Variants in AHNAK observed in about 807,000 individuals in gnomAD.
AHNAK encodes the protein AHNAK nucleoprotein.
AHNAK carries 23 observed loss-of-function variants against 37.8 expected under a neutral mutation model. That is an observed-to-expected ratio of 0.61 (90% CI 0.44 to 0.86). The LOEUF is 0.86. Ranked by LOEUF, AHNAK falls within the 40% of genes least tolerant of loss-of-function variation. AHNAK has a pLI of 0.00. For missense variants in AHNAK, 7,411 were observed against 7,319.4 expected, an observed-to-expected ratio of 1.01 and a Z score of -0.46; for synonymous variants, 2,481 against 2,636.3, an observed-to-expected ratio of 0.94 and a Z score of 1.80.
chr11:62,505,916 G>A (rs1005064582), intron 4 of AHNAK, among the ~76,000 whole-genome samples: 5 of 151,234 alleles, frequency 3.3e-5, no homozygotes, highest in African/African-American at 1.2e-4. Context: ...GGCCGGGTGC[G>A]GTGGCTCATG....
At position 62,524,404 on chromosome 11, in the gene AHNAK, C is replaced by T. The variant is rs538774298; in HGVS notation, c.10013G>A (p.Gly3338Asp). The change falls in exon 5 of 5, where the codon GGT becomes GAT. Residue 3338 changes from glycine (G) to aspartate (D), a missense_variant. By Grantham distance (94) the Gly-to-Asp change is moderately conservative (BLOSUM62 -1). Coordinates refer to ENST00000378024, the MANE Select transcript of AHNAK (RefSeq NM_001620.3). The part of the protein sequence containing the change: ...DIKGPEVDVS[G>D]PKLNIEGKSK... ...CTTGCCTTCGATATTAAGCTTAGGA[C>T]CGGAAACGTCCACTTCTGGGCCCTT... is the stretch of plus-strand genomic sequence containing the variant. The T allele has an allele frequency of 3.1e-6, 5 of 1,612,086 alleles. No individual in the cohort carries two copies. Among genetic ancestry groups the T allele is most frequent in the African/African-American group, 1.3e-5 (1 of 74,728 alleles).
chr11:62,523,427 T>C lies in AHNAK; in HGVS notation c.10990A>G (p.Met3664Val). 1 of 1,612,488 alleles carries C rather than the reference T, an allele frequency of 6.2e-7. No individual in the cohort carries two copies. The highest frequency in any genetic ancestry group is 8.5e-7 in the Non-Finnish European group (1 of 1,179,528). The change falls in exon 5 of 5, where the codon ATG becomes GTG. Residue 3664 changes from methionine (M) to valine (V), a missense_variant. By Grantham distance (21) the Met-to-Val change is conservative (BLOSUM62 1). Coordinates refer to ENST00000378024, the MANE Select transcript of AHNAK (RefSeq NM_001620.3). ...GAGATCTTGGGGGCTTTGATGTTCA[T>C]CTCAGGCATCTTGAACTTGGGGCCC... ...LKGPKFKMPEMNIKAPKISMP... is the reference protein window; with the variant it reads ...LKGPKFKMPEVNIKAPKISMP...
At chr11:62,489,123 C>A (rs529377284) in intron 5 of AHNAK, among the ~76,000 whole-genome samples, 1 of 152,002 alleles carries the variant, frequency 6.6e-6, no homozygotes, top group South Asian at 2.1e-4. Flanking sequence ...TGCCTGTAAT[C>A]CCAATTACTC....
chr11:62,517,354 T>G lies in AHNAK; in HGVS notation c.17063A>C (p.Glu5688Ala). ...TCCAGCACCAGCTTGGATGCTGGCCTCTGCTTTAGGGAAGTGAACATCCAC... is the reference window on the plus strand; with the variant it reads ...TCCAGCACCAGCTTGGATGCTGGCCGCTGCTTTAGGGAAGTGAACATCCAC... ...MGVDVHFPKA[E>A]ASIQAGAGDG... Residue 5688 changes from glutamate to alanine, a missense_variant, in exon 5 of 5, where the codon GAG (glutamate) becomes GCG (alanine). Coordinates refer to ENST00000378024, the MANE Select transcript of AHNAK (RefSeq NM_001620.3). 2 of 1,614,208 alleles carry G rather than the reference T, an allele frequency of 1.2e-6. No homozygotes were observed. The highest frequency in any genetic ancestry group is 8.5e-7 in the Non-Finnish European group (1 of 1,180,028).
intron 5 of AHNAK, among the ~76,000 whole-genome samples, chr11:62,439,099 T>TA: frequency 7.0e-6 from 1 of 143,194 alleles, no homozygotes; most frequent in South Asian, 2.4e-4. Context: ...ATTTTTTTTT[T>TA]TTTTTTTTTT....
At position 62,533,828 on chromosome 11, in the gene AHNAK, C is replaced by T. The variant is rs1245260780; in HGVS notation, c.589G>A (p.Val197Met). 1 of 1,614,194 alleles carries T rather than the reference C, an allele frequency of 6.2e-7. No homozygotes were observed. Residue 197 changes from valine (V) to methionine (M), a missense_variant, in exon 5 of 5, where the codon GTG becomes ATG. Physicochemically the swap from Val to Met is conservative, Grantham distance 21 (BLOSUM62 1). Coordinates refer to ENST00000378024, the MANE Select transcript of AHNAK (RefSeq NM_001620.3). ...HELTEISNVD[V>M]ETQSGKTVIR... is the part of the protein sequence containing the mutation. ...ACGGTCTTCCCAGACTGGGTCTCCACATCCACATTGGAGATTTCAGTCAGT... is the reference window on the plus strand; with the variant it reads ...ACGGTCTTCCCAGACTGGGTCTCCATATCCACATTGGAGATTTCAGTCAGT...
intron 5 of AHNAK, among the ~76,000 whole-genome samples, chr11:62,464,667 C>CA (rs55916906): frequency 0.44 from 61,815 of 141,784 alleles, 14,817 homozygotes; most frequent in South Asian, 0.66. Context: ...GATTCCGTCT[C>CA]AAAAAAAAAA....
intron 5 of AHNAK, among the ~76,000 whole-genome samples, chr11:62,452,749 C>T (rs566224150): frequency 3.9e-5 from 6 of 152,050 alleles, no homozygotes; most frequent in Non-Finnish European, 8.8e-5. Flanking sequence ...AGGCCGGGCG[C>T]GGTGGCTTAC....
At chr11:62,475,119 A>G (rs1474846322) in intron 5 of AHNAK, among the ~76,000 whole-genome samples, 1 of 152,204 alleles carries the variant, frequency 6.6e-6, no homozygotes, top group African/African-American at 2.4e-5. Flanking sequence ...CCTGACCAAC[A>G]AGGTGAAACC....
intron 4 of AHNAK, among the ~76,000 whole-genome samples, chr11:62,500,287 G>C (rs962923495): frequency 6.6e-6 from 1 of 152,192 alleles, no homozygotes; most frequent in African/African-American, 2.4e-5. Context: ...TGACAAGCCA[G>C]TAGGGGAGAT....
intron 5 of AHNAK, among the ~76,000 whole-genome samples, chr11:62,462,391 A>C (rs1023546760): frequency 6.6e-6 from 1 of 152,222 alleles, no homozygotes; most frequent in Non-Finnish European, 1.5e-5. Flanking sequence ...ACTGGAAACT[A>C]CTGAAGACTG....
rs112140781 is a variant in AHNAK at position 62,490,491 on chromosome 11, G to T, written c.442+1241C>A. Among the ~76,000 whole-genome samples the T allele has an allele frequency of 5.3e-5, 8 of 152,096 alleles. No homozygotes were observed. The South Asian group carries it at 1.7e-3, about 32-fold the overall frequency. ...GCTGGGATTACAGGCGTCAGCCACC[G>T]CACCAGGCTGGGAGGCTTTCTTTAA... On this transcript the variant is annotated intron_variant, in intron 5 of 5. Transcript: ENST00000257247.
intron 1 of AHNAK, chr11:62,542,034 G>A (rs1941140867): frequency 6.6e-6 from 1 of 152,298 alleles, no homozygotes; most frequent in African/African-American, 2.4e-5. Flanking sequence ...CAGTGTGCAG[G>A]GAGGAGGGGC....
rs146170341 is a variant in AHNAK at position 62,517,935 on chromosome 11, C to A, written c.16482G>T (p.Met5494Ile). 8.1e-6 allele frequency: 13 copies of A among 1,614,090 alleles called. No homozygotes were observed. Among genetic ancestry groups the A allele is most frequent in the Middle Eastern group, 3.3e-4 (2 of 6,084 alleles). ...CACATCCAGAGGACTTAATTCCAGG[C>A]ATCTGGAGGTTTCCTTCTAGGCCTT... ...GVQGLEGNLQ[M>I]PGIKSSGCDV... Residue 5494 changes from methionine to isoleucine, a missense_variant, in exon 5 of 5, where the codon ATG becomes ATT. Met to Ile is a conservative substitution (Grantham distance 10, BLOSUM62 1). Coordinates refer to ENST00000378024, the MANE Select transcript of AHNAK (RefSeq NM_001620.3).
At position 62,520,345 on chromosome 11, in the gene AHNAK, T is replaced by A. The variant is rs1021565459; in HGVS notation, c.14072A>T (p.Asp4691Val). 3 of 1,613,096 alleles carry A rather than the reference T, an allele frequency of 1.9e-6. No individual in the cohort carries two copies. The highest frequency in any genetic ancestry group is 2.5e-6 in the Non-Finnish European group (3 of 1,179,836). The change falls in exon 5 of 5, where the codon GAT (aspartate) becomes GTT (valine). Residue 4691 changes from aspartate (D) to valine (V), a missense_variant. Physicochemically the swap from Asp to Val is radical, Grantham distance 152. Coordinates refer to ENST00000378024, the MANE Select transcript of AHNAK (RefSeq NM_001620.3). ...ACCTTCGATATTCACATCAGGAACA[T>A]CAACGTCCACTTTGGGTCCTGAGAC... ...IDVSGPKVDV[D>V]VPDVNIEGPD...
rs368256739 is a variant in AHNAK at position 62,522,026 on chromosome 11, T to C, written c.12391A>G (p.Met4131Val). 4 of 1,613,954 alleles carry C rather than the reference T, an allele frequency of 2.5e-6. No individual in the cohort carries two copies. The highest frequency in any genetic ancestry group is 4.5e-5 in the East Asian group (2 of 44,880). ...DLHLKAPKIS[M>V]PEVDLNLKGP... is the part of the protein sequence containing the mutation. ...TTCAGATTCAGGTCAACTTCAGGCATAGAGATCTTCGGTGCCTTGAGGTGC... is the reference window on the plus strand; with the variant it reads ...TTCAGATTCAGGTCAACTTCAGGCACAGAGATCTTCGGTGCCTTGAGGTGC... Residue 4131 changes from methionine (M) to valine (V), a missense_variant, in exon 5 of 5, where the codon ATG becomes GTG. Coordinates refer to ENST00000378024, the MANE Select transcript of AHNAK (RefSeq NM_001620.3).
downstream of AHNAK, among the ~76,000 whole-genome samples, chr11:62,514,008 C>T (rs1483723653): frequency 1.3e-5 from 2 of 152,198 alleles, no homozygotes; most frequent in African/African-American, 4.8e-5. Flanking sequence ...GACTGGGACA[C>T]ATCTAGCCAC....
At chr11:62,502,864 C>T (rs994855236) in intron 4 of AHNAK, among the ~76,000 whole-genome samples, 8 of 152,054 alleles carry the variant, frequency 5.3e-5, no homozygotes, top group African/African-American at 7.2e-5. Context: ...CTGCAGAGGC[C>T]GGCTTGAGAC....
At chr11:62,486,301 C>T (rs1437794431) in intron 5 of AHNAK, among the ~76,000 whole-genome samples, 3 of 151,884 alleles carry the variant, frequency 2.0e-5, no homozygotes. Flanking sequence ...ATGGAGAAAC[C>T]CCATCTCTAC....
Sources: gnomAD v4.1 joint callset for allele counts (sites outside exome capture counted in the v4.1 genomes callset) on GRCh38, gnomAD v4.1.1 for gene constraint, MANE v1.5 for transcripts, NCBI Gene and HGNC (gene_info 2026-07-23, HGNC 2026-07-21) for gene names.